Variants in POM121 observed in about 807,000 individuals in gnomAD.
POM121 encodes the protein nuclear envelope pore membrane protein POM 121.
Under a neutral mutation model 81.3 loss-of-function variants are expected in POM121, and 32 were observed. That is an observed-to-expected ratio of 0.39 (90% confidence interval 0.30 to 0.53). POM121 has a LOEUF of 0.53. Among genes scored for constraint, POM121 ranks in the 20% least tolerant of loss-of-function variants. The pLI is 0.66. For missense variants in POM121, 1,138 were observed against 1,614.6 expected (o/e 0.70, Z 5.06); for synonymous variants, 514 against 694.2 (o/e 0.74, Z 4.08).
intron 7 of POM121, among the ~76,000 whole-genome samples, 170 bp from the exon 8 acceptor site, chr7:72,939,677 G>C (rs1370685927): frequency 2.0e-5 from 3 of 152,196 alleles, no homozygotes; most frequent in Admixed American, 6.5e-5. Flanking sequence ...TAAGCGGTTT[G>C]TGTGCGCGCC....
intron 3 of POM121, among the ~76,000 whole-genome samples, chr7:72,928,133 G>A (rs1177129591): frequency 6.6e-6 from 1 of 152,096 alleles, no homozygotes; most frequent in Non-Finnish European, 1.5e-5. Context: ...TTGAACCCAG[G>A]AGGCAGAGGT....
intron 11 of POM121, among the ~76,000 whole-genome samples, chr7:72,944,808 T>G: frequency 6.7e-6 from 1 of 150,166 alleles, no homozygotes; most frequent in Non-Finnish European, 1.5e-5. Flanking sequence ...GAGGAGGTCA[T>G]GGGGGTGGCA....
intron 3 of POM121, among the ~76,000 whole-genome samples, chr7:72,892,986 T>C (rs1791458694): frequency 6.7e-6 from 1 of 150,150 alleles, no homozygotes; most frequent in Admixed American, 6.6e-5. Flanking sequence ...TGAGACAGAG[T>C]CTCACTCTGT....
chr7:72,931,950 G>A (rs1796069251), intron 5 of POM121, among the ~76,000 whole-genome samples: 1 of 151,554 alleles, frequency 6.6e-6, no homozygotes, highest in Non-Finnish European at 1.5e-5. Flanking sequence ...TTTAAGAATT[G>A]TGATTCATTT....
Position 72,925,460 on chromosome 7 carries a change from G to C in POM121, c.339G>C (p.Ser113=). 6.5e-7 allele frequency: 1 copy of C among 1,533,670 alleles called. No individual in the cohort carries two copies. The highest frequency in any genetic ancestry group is 8.7e-7 in the Non-Finnish European group (1 of 1,146,508). Residue 113 remains serine, a synonymous_variant, in exon 1 of 13, where the codon TCG becomes TCC. Coordinates refer to ENST00000434423, the MANE Select transcript of POM121 (RefSeq NM_001387691.1). The part of the protein sequence containing the change: ...RTLFASPLAK[S]TANGNLLEPR... ...TGTTCGCTTCGCCTCTGGCCAAGTC[G>C]ACAGCCAACGGAAACCTCCTAGAGC...
downstream of POM121, chr7:72,949,080 C>T: frequency 1.2e-6 from 2 of 1,613,044 alleles, no homozygotes; most frequent in Non-Finnish European, 1.7e-6. Context: ...CCCCGGGCTC[C>T]TCCAGCTGTC....
chr7:72,887,045 A>G (rs1414079470), intron 1 of POM121, among the ~76,000 whole-genome samples: 1 of 151,426 alleles, frequency 6.6e-6, no homozygotes, highest in African/African-American at 2.4e-5. Flanking sequence ...TTTTCCCACA[A>G]CACACTGTTG....
intron 3 of POM121, among the ~76,000 whole-genome samples, chr7:72,899,727 T>C (rs532884574): frequency 3.9e-5 from 6 of 152,002 alleles, no homozygotes; most frequent in South Asian, 2.1e-4. Context: ...TACAGGCATG[T>C]GCCACCACGC....
downstream of POM121, chr7:72,949,013 G>A: frequency 6.2e-7 from 1 of 1,612,424 alleles, no homozygotes; most frequent in Non-Finnish European, 8.5e-7. Context: ...GCGTGGCACA[G>A]GGCTCGCTGC....
chr7:72,906,427 C>T (rs572617548), intron 3 of POM121, among the ~76,000 whole-genome samples: 1 of 152,372 alleles, frequency 6.6e-6, no homozygotes, highest in South Asian at 2.1e-4. Context: ...CTGGTTGGCA[C>T]ATGCCACTCA....
chr7:72,917,469 C>G (rs1554495272), intron 4 of POM121, among the ~76,000 whole-genome samples: 2 of 149,100 alleles, frequency 1.3e-5, no homozygotes, highest in Non-Finnish European at 2.9e-5. Context: ...AGGAATTCTC[C>G]CCAGCTTTTC....
intron 5 of POM121, among the ~76,000 whole-genome samples, chr7:72,931,219 A>G (rs531471793): frequency 4.3e-4 from 66 of 152,172 alleles, no homozygotes; most frequent in Non-Finnish European, 8.7e-4. Flanking sequence ...GCTTTGGACT[A>G]TGGGTTCCAA....
downstream of POM121, chr7:72,950,290 G>A: frequency 9.4e-7 from 1 of 1,062,732 alleles, no homozygotes; most frequent in African/African-American, 1.6e-5. Flanking sequence ...TGTTACCACA[G>A]CTATGGAGAA....
intron 5 of POM121, among the ~76,000 whole-genome samples, chr7:72,935,623 G>A (rs1796437814): frequency 6.6e-6 from 1 of 151,710 alleles, no homozygotes; most frequent in Non-Finnish European, 1.5e-5. Flanking sequence ...TGAGATTACA[G>A]GCACGTGCCA....
At chr7:72,929,039 G>C (rs1379342636) in intron 4 of POM121, among the ~76,000 whole-genome samples, 3 of 152,202 alleles carry the variant, frequency 2.0e-5, no homozygotes, top group African/African-American at 7.2e-5. Flanking sequence ...TCAGATCAGT[G>C]TACTGCACTG....
At chr7:72,917,844 C>T (rs1211533250) in intron 4 of POM121, among the ~76,000 whole-genome samples, 6 of 152,106 alleles carry the variant, frequency 3.9e-5, no homozygotes, top group African/African-American at 1.2e-4. Flanking sequence ...TGTCTGGCTG[C>T]GCTGTTATTT....
At chr7:72,937,232 T>C (rs1796598288) in intron 5 of POM121, among the ~76,000 whole-genome samples, 1 of 149,984 alleles carries the variant, frequency 6.7e-6, no homozygotes, top group Admixed American at 6.7e-5. Context: ...TCCAGCCTGG[T>C]AACAGAGCAA....
intron 11 of POM121, 74 bp from the exon 12 acceptor site, chr7:72,945,512 A>G: frequency 6.3e-7 from 1 of 1,583,740 alleles, no homozygotes. Context: ...CCTGCGGAGC[A>G]CAGGCTCCTG....
intron 11 of POM121, among the ~76,000 whole-genome samples, chr7:72,944,788 G>A (rs1797502051): frequency 1.3e-5 from 2 of 151,994 alleles, no homozygotes; most frequent in Admixed American, 1.3e-4. Flanking sequence ...GTGGTGGCAG[G>A]GGTCGGGGAG....
Sources: gnomAD v4.1 joint callset for allele counts (sites outside exome capture counted in the v4.1 genomes callset) on GRCh38, gnomAD v4.1.1 for gene constraint, MANE v1.5 for transcripts, NCBI Gene and HGNC (gene_info 2026-07-23, HGNC 2026-07-21) for gene names.